The following AGMO variants were observed in gnomAD, a reference collection of about 807,000 sequenced individuals.
AGMO encodes the protein glyceryl-ether monooxygenase.
AGMO carries 75 observed loss-of-function variants against 60.2 expected under a neutral mutation model. The observed-to-expected ratio is 1.25, with a 90% CI of 1.03 to 1.51. AGMO has a LOEUF of 1.51. Ranked by LOEUF, AGMO falls within the 40% of genes most tolerant of loss-of-function variation. The probability of loss-of-function intolerance (pLI) is 0.00; values close to 1 mark genes in which losing one functional copy is unlikely to be tolerated. For synonymous variants in AGMO, 261 were observed against 177.1 expected (o/e 1.47, Z -3.76); for missense variants, 763 against 525.5 (o/e 1.45, Z -4.42).
In AGMO at chr7:15,331,788, T is replaced by C. The variant is rs1294843167; in HGVS notation, c.1263+33726A>G. Reference sequence around the variant, plus strand: ...CTAAAAATATAAAATTAGCCAGGTGTGGTGGCCCATGCCTATAATCACAGC... The same window carrying C: ...CTAAAAATATAAAATTAGCCAGGTGCGGTGGCCCATGCCTATAATCACAGC... On this transcript the variant is annotated intron_variant, in intron 12 of 12. Coordinates refer to ENST00000342526, the MANE Select transcript of AGMO (RefSeq NM_001004320.2). Among the ~76,000 whole-genome samples, 3 of 152,156 alleles carry C rather than the reference T, an allele frequency of 2.0e-5. No homozygotes were observed. The East Asian group carries it at 5.8e-4, about 29-fold the overall frequency.
the AGMO span, among the ~76,000 whole-genome samples, chr7:15,193,583 G>C: frequency 6.6e-6 from 1 of 152,016 alleles, no homozygotes; most frequent in Non-Finnish European, 1.5e-5. Context: ...TCCTTTCCTA[G>C]TTTAATAGGG....
intron 10 of AGMO, among the ~76,000 whole-genome samples, chr7:15,377,012 T>G (rs113380048): frequency 8.5e-5 from 13 of 152,116 alleles, no homozygotes; most frequent in Non-Finnish European, 1.8e-4. Context: ...CTCTAATATA[T>G]GCATAAACAG....
intron 3 of AGMO, among the ~76,000 whole-genome samples, chr7:15,474,790 T>C (rs1175230179): frequency 6.6e-6 from 1 of 152,058 alleles, no homozygotes; most frequent in Non-Finnish European, 1.5e-5. Flanking sequence ...ATTTTTGCAA[T>C]CTGTCCATCT....
intron 12 of AGMO, among the ~76,000 whole-genome samples, chr7:15,346,348 A>C (rs983081268): frequency 4.6e-5 from 7 of 152,102 alleles, no homozygotes; most frequent in Non-Finnish European, 7.4e-5. Context: ...AGTCCCGAGT[A>C]CTTTATTTAG....
intron 3 of AGMO, among the ~76,000 whole-genome samples, chr7:15,500,257 G>A (rs1783346321): frequency 6.6e-6 from 1 of 151,860 alleles, no homozygotes; most frequent in Non-Finnish European, 1.5e-5. Flanking sequence ...AGTCTTTTGA[G>A]TGTCTGTCCC....
intron 3 of AGMO, among the ~76,000 whole-genome samples, chr7:15,491,209 A>C (rs1323692278): frequency 6.6e-6 from 1 of 152,194 alleles, no homozygotes; most frequent in Non-Finnish European, 1.5e-5. Flanking sequence ...GTCCAGTAAG[A>C]ACTCATGGTT....
intron 3 of AGMO, among the ~76,000 whole-genome samples, chr7:15,508,636 A>G (rs562834327): frequency 7.2e-5 from 11 of 152,254 alleles, no homozygotes; most frequent in African/African-American, 2.6e-4. Context: ...AAGTTCACCA[A>G]TAAGAATGCT....
intron 12 of AGMO, among the ~76,000 whole-genome samples, chr7:15,212,543 A>C (rs543506995): frequency 3.9e-5 from 6 of 151,992 alleles, no homozygotes; most frequent in Non-Finnish European, 8.8e-5. Context: ...TCAATGAAAA[A>C]AGAAAAATAT....
chr7:15,315,104 G>C (rs10245989), intron 12 of AGMO, among the ~76,000 whole-genome samples: 15,812 of 152,048 alleles, frequency 0.1, 1,113 homozygotes, highest in African/African-American at 0.2. Flanking sequence ...AGTGAACCTT[G>C]ATTTTGCCCT....
intron 4 of AGMO, among the ~76,000 whole-genome samples, chr7:15,425,208 A>T (rs1781028570): frequency 6.6e-6 from 1 of 152,160 alleles, no homozygotes; most frequent in South Asian, 2.1e-4. Context: ...TCAAATTAGC[A>T]AAGTGAGTAA....
rs1436844412 is a variant in AGMO at position 15,366,172 on chromosome 7, G to C, written c.1125C>G (p.Thr375=). The C allele has an allele frequency of 1.2e-6, 2 of 1,608,958 alleles. No homozygotes were observed. The highest frequency in any genetic ancestry group is 2.2e-5 in the East Asian group (1 of 44,490). The part of the protein sequence containing the change: ...LLLRVCFIIL[T]LTSIGFLLDQ... ...CCAGAAGAAATCCAATGGAAGTCAA[G>C]GTCAGGATAATGAAGCAAACCCTCA... Residue 375 remains threonine (T), a synonymous_variant, in exon 11 of 13, where the codon ACC becomes ACG. Coordinates refer to ENST00000342526, the MANE Select transcript of AGMO (RefSeq NM_001004320.2).
At chr7:15,368,783 G>A (rs1160541135) in intron 10 of AGMO, among the ~76,000 whole-genome samples, 1 of 152,038 alleles carries the variant, frequency 6.6e-6, no homozygotes, top group Non-Finnish European at 1.5e-5. Context: ...GATGAAATAA[G>A]TACATGTATT....
intron 2 of AGMO, among the ~76,000 whole-genome samples, chr7:15,554,865 T>C (rs562593963): frequency 6.6e-6 from 1 of 152,194 alleles, no homozygotes; most frequent in South Asian, 2.1e-4. Flanking sequence ...GGAATAGAAG[T>C]GTGAGAGTGG....
At chr7:15,339,615 G>C (rs1781770663) in intron 12 of AGMO, among the ~76,000 whole-genome samples, 1 of 152,164 alleles carries the variant, frequency 6.6e-6, no homozygotes, top group African/African-American at 2.4e-5. Context: ...TGTCAGGGCA[G>C]TCCCATTGAA....
chr7:15,468,182 T>C (rs1269816392), intron 3 of AGMO, among the ~76,000 whole-genome samples: 3 of 152,156 alleles, frequency 2.0e-5, no homozygotes, highest in Admixed American at 1.3e-4. Flanking sequence ...TCCAAAATGG[T>C]GATGGCAAAA....
intron 12 of AGMO, among the ~76,000 whole-genome samples, chr7:15,334,914 G>C (rs1404090732): frequency 6.6e-6 from 1 of 152,100 alleles, no homozygotes; most frequent in African/African-American, 2.4e-5. Context: ...AACAATAAGA[G>C]CTGTCCGAGA....
chr7:15,369,695 C>G (rs1292567982), intron 10 of AGMO, among the ~76,000 whole-genome samples: 1 of 152,072 alleles, frequency 6.6e-6, no homozygotes, highest in African/African-American at 2.4e-5. Flanking sequence ...TTGGTGCATT[C>G]TCTGTTGTCT....
At chr7:15,215,351 T>A (rs2128495017) in intron 12 of AGMO, among the ~76,000 whole-genome samples, 1 of 152,218 alleles carries the variant, frequency 6.6e-6, no homozygotes, top group South Asian at 2.1e-4. Flanking sequence ...ATTTTATTTT[T>A]CTTTTTTTTC....
chr7:15,549,909 C>G (rs1394851275), intron 2 of AGMO, among the ~76,000 whole-genome samples: 4 of 150,282 alleles, frequency 2.7e-5, no homozygotes, highest in East Asian at 3.9e-4. Context: ...TGACCACATA[C>G]TGGGAAGTAA....
Sources: gnomAD v4.1 joint callset for allele counts (sites outside exome capture counted in the v4.1 genomes callset) on GRCh38, gnomAD v4.1.1 for gene constraint, MANE v1.5 for transcripts, NCBI Gene and HGNC (gene_info 2026-07-23, HGNC 2026-07-21) for gene names.